Variants in MED27 observed in about 807,000 individuals in gnomAD.
The protein encoded by MED27 is mediator of RNA polymerase II transcription subunit 27.
Under a neutral mutation model 38.2 loss-of-function variants are expected in MED27, and 30 were observed. The observed-to-expected ratio is 0.79, with a 90% CI of 0.59 to 1.07. The LOEUF (loss-of-function observed/expected upper bound fraction) is 1.07, where lower values mean the gene tolerates loss of function less well. Among genes scored for constraint, MED27 ranks in the 50% least tolerant of loss-of-function variants. MED27 has a pLI of 0.00. For missense variants in MED27, 289 were observed against 397.5 expected, an observed-to-expected ratio of 0.73 and a Z score of 2.32; for synonymous variants, 122 against 153.5, an observed-to-expected ratio of 0.79 and a Z score of 1.52.
intron 3 of MED27, among the ~76,000 whole-genome samples, chr9:132,007,471 A>C (rs948063578): frequency 6.6e-6 from 1 of 152,210 alleles, no homozygotes; most frequent in Admixed American, 6.5e-5. Context: ...GCATGACTCC[A>C]CTTATACAGA....
chr9:132,037,860 G>A (rs187038046), intron 2 of MED27, among the ~76,000 whole-genome samples: 1 of 152,268 alleles, frequency 6.6e-6, no homozygotes, highest in East Asian at 1.9e-4. Context: ...CCAGACAGGA[G>A]CTGCACCTAG....
intron 2 of MED27, among the ~76,000 whole-genome samples, chr9:132,071,287 T>TGCG (rs369649576): frequency 2.0e-5 from 3 of 151,842 alleles, no homozygotes; most frequent in African/African-American, 7.2e-5. Flanking sequence ...CGAGCAACAC[T>TGCG]GCCACTTGAT....
rs147754233 is a variant in MED27 at position 132,072,582 on chromosome 9, G to A, written c.348+4860C>T. Among the ~76,000 whole-genome samples the A allele has an allele frequency of 1.4e-3, 219 of 152,158 alleles. 2 individuals carry two copies. Among genetic ancestry groups the A allele is most frequent in the African/African-American group, 4.9e-3 (202 of 41,458 alleles). ...GGGTTTGCAGGTGGGGAGGGAGGAGGAGGGTGTAGGGTTCAAGGCTAACCA... is the reference window on the plus strand; with the variant it reads ...GGGTTTGCAGGTGGGGAGGGAGGAGAAGGGTGTAGGGTTCAAGGCTAACCA... On this transcript the variant is annotated intron_variant, in intron 2 of 7. Transcript: ENST00000292035.
intron 2 of MED27, among the ~76,000 whole-genome samples, chr9:132,068,812 G>T (rs1833866813): frequency 6.6e-6 from 1 of 152,178 alleles, no homozygotes; most frequent in African/African-American, 2.4e-5. Context: ...GATGTCGAGG[G>T]AGGGAGCCAG....
intron 2 of MED27, among the ~76,000 whole-genome samples, chr9:132,042,191 G>A (rs542980478): frequency 1.3e-4 from 20 of 152,178 alleles, no homozygotes; most frequent in Non-Finnish European, 2.8e-4. Context: ...AAATGAAGAG[G>A]CTGGCTTAAG....
At chr9:132,005,939 T>C (rs1832350028) in intron 3 of MED27, among the ~76,000 whole-genome samples, 1 of 152,240 alleles carries the variant, frequency 6.6e-6, no homozygotes, top group African/African-American at 2.4e-5. Context: ...CTCCATGTTC[T>C]AGAATGCAAA....
chr9:131,882,804 G>T (rs1281532405), intron 6 of MED27, among the ~76,000 whole-genome samples: 1 of 152,102 alleles, frequency 6.6e-6, no homozygotes, highest in South Asian at 2.1e-4. Flanking sequence ...ACAGCCCCCA[G>T]TTAATCACCT....
intron 4 of MED27, among the ~76,000 whole-genome samples, chr9:131,905,171 G>T (rs2131525080): frequency 6.6e-6 from 1 of 152,264 alleles, no homozygotes; most frequent in South Asian, 2.1e-4. Flanking sequence ...AATACAGAAT[G>T]AATGCCAATG....
At chr9:131,990,351 C>T (rs1238168531) in intron 3 of MED27, among the ~76,000 whole-genome samples, 1 of 152,180 alleles carries the variant, frequency 6.6e-6, no homozygotes, top group African/African-American at 2.4e-5. Flanking sequence ...TACCTATGAG[C>T]CTCTACCTGA....
chr9:132,073,788 G>A, intron 2 of MED27: 2 of 1,496,978 alleles, frequency 1.3e-6, no homozygotes, highest in Non-Finnish European at 1.8e-6. Context: ...AAAGGTAGCA[G>A]CAGCACCTCG....
intron 2 of MED27, among the ~76,000 whole-genome samples, chr9:132,032,567 G>C: frequency 6.6e-6 from 1 of 152,190 alleles, no homozygotes; most frequent in Middle Eastern, 3.2e-3. Context: ...ATGATAAGAG[G>C]AACAAGAAGA....
At chr9:132,014,861 A>G (rs1428754234) in intron 2 of MED27, among the ~76,000 whole-genome samples, 1 of 152,248 alleles carries the variant, frequency 6.6e-6, no homozygotes, top group Non-Finnish European at 1.5e-5. Context: ...TGTATTTTTC[A>G]GTAGTAGAAT....
chr9:132,032,991 A>G (rs1175240171), intron 2 of MED27, among the ~76,000 whole-genome samples: 1 of 152,158 alleles, frequency 6.6e-6, no homozygotes, highest in Non-Finnish European at 1.5e-5. Flanking sequence ...AGGTAGCAAC[A>G]TTTTTTCTTA....
chr9:132,063,200 G>C (rs1173314952), intron 2 of MED27, among the ~76,000 whole-genome samples: 1 of 152,120 alleles, frequency 6.6e-6, no homozygotes, highest in Non-Finnish European at 1.5e-5. Flanking sequence ...TTCCCATCTG[G>C]GTTGCTTATG....
At chr9:131,932,205 A>C (rs1437917039) in intron 4 of MED27, among the ~76,000 whole-genome samples, 2 of 152,146 alleles carry the variant, frequency 1.3e-5, no homozygotes, top group Non-Finnish European at 2.9e-5. Flanking sequence ...TAAAATTAGC[A>C]ATCAATAACG....
At chr9:132,009,299 T>C (rs980468086) in intron 3 of MED27, among the ~76,000 whole-genome samples, 2 of 152,218 alleles carry the variant, frequency 1.3e-5, no homozygotes, top group African/African-American at 2.4e-5. Context: ...AAAATAAATA[T>C]GTCCACAAAT....
intron 4 of MED27, among the ~76,000 whole-genome samples, chr9:131,909,393 A>T (rs1335098487): frequency 6.6e-6 from 1 of 152,162 alleles, no homozygotes; most frequent in Non-Finnish European, 1.5e-5. Context: ...TGCTCATCCT[A>T]AACCCACTCC....
Position 132,039,448 on chromosome 9 carries a change from C to T in MED27, c.349-24981G>A, listed in dbSNP as rs1833156989. 2.0e-5 allele frequency among the ~76,000 whole-genome samples: 3 copies of T among 152,192 alleles called. No individual in the cohort carries two copies. The South Asian group carries it at 6.2e-4, about 32-fold the overall frequency. ...CACGCAAAGTACCTAGCATGGTGCCCCGCACATGGCAAGTGCTCAATAAGT... is the reference window on the plus strand; with the variant it reads ...CACGCAAAGTACCTAGCATGGTGCCTCGCACATGGCAAGTGCTCAATAAGT... On this transcript the variant is annotated intron_variant, in intron 2 of 7. Transcript: ENST00000292035.
At chr9:132,048,286 A>T (rs1410502216) in intron 2 of MED27, among the ~76,000 whole-genome samples, 1 of 152,220 alleles carries the variant, frequency 6.6e-6, no homozygotes, top group East Asian at 1.9e-4. Flanking sequence ...GAAAAAAAAA[A>T]TGTTTCTTGA....
Sources: allele counts gnomAD v4.1 joint callset (sites outside exome capture counted in the v4.1 genomes callset), GRCh38; gene constraint gnomAD v4.1.1; transcripts MANE v1.5; gene names NCBI Gene and HGNC (gene_info 2026-07-23, HGNC 2026-07-21).